Variants in SNTG1 observed in about 807,000 individuals in gnomAD.
SNTG1 encodes the protein syntrophin gamma 1, also known as gamma-1-syntrophin.
A neutral mutation model predicts 74.7 loss-of-function variants in SNTG1; 39 were observed. The ratio of observed to expected loss-of-function variants is 0.52; its 90% CI spans 0.40 to 0.68. The LOEUF is 0.68. SNTG1 is among the 30% of genes least tolerant of loss of function. SNTG1 has a pLI of 0.00. For synonymous variants in SNTG1, 254 were observed against 217.1 expected (o/e 1.17, Z -1.49); for missense variants, 685 against 609.5 (o/e 1.12, Z -1.30).
chr8:50,651,070 T>G (rs2095142463), intron 13 of SNTG1, among the ~76,000 whole-genome samples: 1 of 152,200 alleles, frequency 6.6e-6, no homozygotes, highest in African/African-American at 2.4e-5. Flanking sequence ...TTATAATATC[T>G]GTAGGATCTG....
rs773643013 is a variant in SNTG1, at chr8:50,429,782, A to G, written c.163-8761A>G. Among the ~76,000 whole-genome samples, 15 of 152,224 alleles carry G rather than the reference A, an allele frequency of 9.9e-5. No homozygotes were observed. The South Asian group carries it at 3.1e-3, about 32-fold the overall frequency. On this transcript the variant is annotated intron_variant, in intron 4 of 18. Coordinates refer to ENST00000642720, the MANE Select transcript of SNTG1 (RefSeq NM_018967.5). ...CCAGAAAGTGTAAAAAGTTCTCGCA[A>G]CTCAATTAAACGGGCAATCAAAAAA...
chr8:49,941,411 CTT>C (rs1363748765), intron 1 of SNTG1, among the ~76,000 whole-genome samples: 1 of 150,312 alleles, frequency 6.7e-6, no homozygotes, highest in African/African-American at 2.4e-5. Context: ...TTTCTTCTGA[CTT>C]TTCCTCTGAA....
rs1805763802 is a variant in SNTG1 at position 49,913,578 on chromosome 8, G to A, written c.-103+1347G>A. ...GGAGCAGAGGCATCTATGTCACTGA[G>A]CTCCTTGGGGGCTCCGTTGCCCTAT... On this transcript the variant is annotated intron_variant, in intron 1 of 18. Coordinates refer to ENST00000642720, the MANE Select transcript of SNTG1 (RefSeq NM_018967.5). Among the ~76,000 whole-genome samples, 4 of 152,274 alleles carry A rather than the reference G, an allele frequency of 2.6e-5. No individual in the cohort carries two copies. The South Asian group carries it at 8.3e-4, about 32-fold the overall frequency.
intron 16 of SNTG1, 77 bp downstream of exon 16, chr8:50,704,829 C>G: frequency 6.7e-7 from 1 of 1,494,910 alleles, no homozygotes; most frequent in Non-Finnish European, 9.1e-7. Context: ...AATATCATTC[C>G]AAAGTAGTGT....
At chr8:50,323,271 T>C (rs527633911) in intron 2 of SNTG1, among the ~76,000 whole-genome samples, 58 of 152,252 alleles carry the variant, frequency 3.8e-4, no homozygotes, top group African/African-American at 1.3e-3. Flanking sequence ...TTTCCTCAGG[T>C]TCCCTCAAAA....
In SNTG1 at chr8:50,676,341, G is replaced by T. The variant is rs531768755; in HGVS notation, c.1038+17678G>T. On this transcript the variant is annotated intron_variant, in intron 15 of 18. Coordinates refer to ENST00000642720, the MANE Select transcript of SNTG1 (RefSeq NM_018967.5). The stretch of plus-strand genomic sequence containing the variant: ...ATTCCTTTTCATTCATTTTTCTCTG[G>T]TTTTTTCTGTATGGCTTATTTCAGC... Among the ~76,000 whole-genome samples, 141 of 151,792 alleles carry T rather than the reference G, an allele frequency of 9.3e-4. No homozygotes were observed. In the Middle Eastern group the frequency reaches 0.01, roughly 11 times the overall value.
intron 2 of SNTG1, among the ~76,000 whole-genome samples, chr8:50,315,187 G>A (rs2090269601): frequency 6.7e-6 from 1 of 149,614 alleles, no homozygotes; most frequent in Non-Finnish European, 1.5e-5. Context: ...AGTGGTCACT[G>A]AGGAATGTTA....
At chr8:50,533,949 T>C (rs567493350) in intron 10 of SNTG1, among the ~76,000 whole-genome samples, 2 of 152,316 alleles carry the variant, frequency 1.3e-5, no homozygotes, top group Admixed American at 6.5e-5. Context: ...ATTACCCATA[T>C]CTTTAACAAT....
upstream of SNTG1, chr8:49,911,169 G>A (rs1363415815): frequency 6.6e-6 from 1 of 152,074 alleles, no homozygotes; most frequent in Non-Finnish European, 1.5e-5. Flanking sequence ...TTTAATTTAG[G>A]AATTTCAAAT....
chr8:50,402,688 A>G (rs1006315643), intron 4 of SNTG1, among the ~76,000 whole-genome samples: 1 of 152,170 alleles, frequency 6.6e-6, no homozygotes, highest in Non-Finnish European at 1.5e-5. Flanking sequence ...CTTATCTTTC[A>G]TGACCTGGGA....
intron 2 of SNTG1, among the ~76,000 whole-genome samples, chr8:50,312,374 A>G (rs1276472905): frequency 6.6e-6 from 1 of 152,124 alleles, no homozygotes; most frequent in Non-Finnish European, 1.5e-5. Context: ...AAGATAGCTT[A>G]TTTCTCCAAT....
At chr8:49,968,758 A>G (rs2129890685) in intron 1 of SNTG1, among the ~76,000 whole-genome samples, 1 of 152,276 alleles carries the variant, frequency 6.6e-6, no homozygotes, top group East Asian at 1.9e-4. Context: ...CAGGCAAGCA[A>G]GAAGCCATTT....
chr8:50,415,650 T>A (rs1587538647), intron 4 of SNTG1, among the ~76,000 whole-genome samples: 1 of 152,280 alleles, frequency 6.6e-6, no homozygotes, highest in South Asian at 2.1e-4. Flanking sequence ...TTTCAGTATA[T>A]TATATAAAAC....
intron 2 of SNTG1, among the ~76,000 whole-genome samples, chr8:50,224,979 AT>A (rs993595048): frequency 4.6e-5 from 7 of 150,614 alleles, no homozygotes; most frequent in African/African-American, 9.7e-5. Context: ...TTTTATTTTT[AT>A]TTTTTTTTGA....
At chr8:50,460,671 A>C (rs2093552796) in intron 8 of SNTG1, among the ~76,000 whole-genome samples, 1 of 152,186 alleles carries the variant, frequency 6.6e-6, no homozygotes, top group Non-Finnish European at 1.5e-5. Flanking sequence ...ATATAGTGAA[A>C]GGTAGGGGTC....
At chr8:50,423,289 G>A (rs1159660501) in intron 4 of SNTG1, among the ~76,000 whole-genome samples, 1 of 152,104 alleles carries the variant, frequency 6.6e-6, no homozygotes, top group Non-Finnish European at 1.5e-5. Context: ...TATGTTTATA[G>A]CATGTAAAAC....
chr8:50,129,452 T>C (rs914150397), intron 1 of SNTG1, among the ~76,000 whole-genome samples: 7 of 152,100 alleles, frequency 4.6e-5, no homozygotes, highest in African/African-American at 1.7e-4. Context: ...ATATAATTCA[T>C]AAAAAACATC....
At chr8:50,078,263 T>C (rs1822080783) in intron 1 of SNTG1, among the ~76,000 whole-genome samples, 2 of 152,182 alleles carry the variant, frequency 1.3e-5, no homozygotes, top group South Asian at 4.1e-4. Flanking sequence ...TTCTAGTTCC[T>C]TTGCATTTAC....
rs968614491 is a variant in SNTG1 at position 50,796,506 on chromosome 8, G to T, written c.*3677G>T. On this transcript the variant is annotated 3_prime_UTR_variant, in exon 19 of 19. Transcript: ENST00000642720. Reference sequence around the variant, plus strand: ...ATGTTAAAATGCAGTGAAAAGACAAGAAATATAAAATGTAAATATATTTAT... The same window carrying T: ...ATGTTAAAATGCAGTGAAAAGACAATAAATATAAAATGTAAATATATTTAT... The T allele has an allele frequency of 6.6e-6, 1 of 151,714 alleles. No individual in the cohort carries two copies. The highest frequency in any genetic ancestry group is 2.4e-5 in the African/African-American group (1 of 41,366). 9.4% of individuals were successfully genotyped at this position (151,714 alleles called of 1,614,324 possible).
Sources: allele counts gnomAD v4.1 joint callset (sites outside exome capture counted in the v4.1 genomes callset), GRCh38; gene constraint gnomAD v4.1.1; transcripts MANE v1.5; gene names NCBI Gene and HGNC (gene_info 2026-07-23, HGNC 2026-07-21).